Variants in EVI5L observed in about 807,000 individuals in gnomAD.
The protein encoded by EVI5L is EVI5-like protein.
Under a neutral mutation model 106.1 loss-of-function variants are expected in EVI5L, and 30 were observed. The observed-to-expected ratio is 0.28, with a 90% CI of 0.21 to 0.38. The LOEUF is 0.38. Ranked by LOEUF, EVI5L falls within the 10% of genes least tolerant of loss-of-function variation. EVI5L has a pLI of 1.00. For synonymous variants in EVI5L, 489 were observed against 483.3 expected (o/e 1.01, Z -0.15); for missense variants, 809 against 1,098.0 (o/e 0.74, Z 3.72).
intron 2 of EVI5L, among the ~76,000 whole-genome samples, chr19:7,847,500 T>C (rs1244359721): frequency 6.6e-6 from 1 of 151,164 alleles, no homozygotes; most frequent in East Asian, 1.9e-4. Context: ...AGCAGGAGAA[T>C]TGCTTGAACC....
rs563275757 is a variant in EVI5L at position 7,864,353 on chromosome 19, G to A, written c.*651G>A. The A allele has an allele frequency of 1.6e-3, 243 of 152,572 alleles. No homozygotes were observed. Among genetic ancestry groups the A allele is most frequent in the Non-Finnish European group, 1.5e-3 (100 of 68,060 alleles). 9.5% of individuals were successfully genotyped at this position (152,572 alleles called of 1,614,324 possible). On this transcript the variant is annotated 3_prime_UTR_variant, in exon 20 of 20. Transcript: ENST00000538904. The surrounding 1 kb of genome is among the most constrained non-coding windows in gnomAD (Gnocchi z 4.5). ...CGCCTGGGGACTGAGTGGCTAACGG[G>A]AAGCCTCCCTGCTTCTCTGGGGCCA...
At chr19:7,841,398 G>A (rs890331421) in intron 1 of EVI5L, among the ~76,000 whole-genome samples, 1 of 152,148 alleles carries the variant, frequency 6.6e-6, no homozygotes, top group Non-Finnish European at 1.5e-5. Flanking sequence ...CAGGAGCCCA[G>A]TCCTCATCAG....
At chr19:7,832,235 G>C (rs1978296450) in intron 1 of EVI5L, among the ~76,000 whole-genome samples, 2 of 152,328 alleles carry the variant, frequency 1.3e-5, no homozygotes, top group Admixed American at 6.5e-5. Flanking sequence ...CCTGGCACAG[G>C]GATGAGACAA....
intron 3 of EVI5L, 68 bp downstream of exon 3, chr19:7,847,989 C>G: frequency 3.4e-6 from 5 of 1,470,084 alleles, no homozygotes; most frequent in Middle Eastern, 2.4e-4. Flanking sequence ...ACTCAGCCAC[C>G]AGGCAGCGCC....
intron 1 of EVI5L, among the ~76,000 whole-genome samples, chr19:7,837,410 A>G (rs1458560416): frequency 1.3e-5 from 2 of 152,206 alleles, no homozygotes; most frequent in African/African-American, 4.8e-5. Flanking sequence ...TGAGAAGACG[A>G]TACAGAGTTT....
intron 2 of EVI5L, among the ~76,000 whole-genome samples, chr19:7,847,219 G>A (rs572680822): frequency 6.3e-4 from 96 of 152,224 alleles, no homozygotes; most frequent in Admixed American, 1.4e-3. Flanking sequence ...TTGAACCCGG[G>A]AGGCGGACGC....
In EVI5L at chr19:7,833,308, G is replaced by A. The variant is rs1048283119; in HGVS notation, c.-48+2927G>A. Among the ~76,000 whole-genome samples, 6 of 152,258 alleles carry A rather than the reference G, an allele frequency of 3.9e-5. No homozygotes were observed. The South Asian group carries it at 1.0e-3, about 26-fold the overall frequency. ...GTGTACAATGTGGTCCCTGCTCTGC[G>A]TCTAAAGTCCTCTCACTGGCATGCG... is the stretch of plus-strand genomic sequence containing the variant. On this transcript the variant is annotated intron_variant, in intron 1 of 19. Coordinates refer to ENST00000538904, the MANE Select transcript of EVI5L (RefSeq NM_001159944.3).
Position 7,835,896 on chromosome 19 carries a change from G to A in EVI5L, c.-48+5515G>A, listed in dbSNP as rs765955871. ...CATGGCATCTTGGGCTTTAGATTCC[G>A]AAATGAGTCTGTGTCCCTGGTAATC... is the stretch of plus-strand genomic sequence containing the variant. On this transcript the variant is annotated intron_variant, in intron 1 of 19. Coordinates refer to ENST00000538904, the MANE Select transcript of EVI5L (RefSeq NM_001159944.3). The surrounding 1 kb of genome is among the most constrained non-coding windows in gnomAD (Gnocchi z 4.1). Among the ~76,000 whole-genome samples the A allele has an allele frequency of 8.5e-5, 13 of 152,116 alleles. No homozygotes were observed. The highest frequency in any genetic ancestry group is 2.2e-4 in the African/African-American group (9 of 41,418).
Position 7,836,937 on chromosome 19 carries a change from T to C in EVI5L, c.-48+6556T>C, listed in dbSNP as rs567147317. ...CATGAGCCACCGCACCCAGCCTTTA[T>C]TATTATTTTTAAAATAGACTTGGGC... On this transcript the variant is annotated intron_variant, in intron 1 of 19. Coordinates refer to ENST00000538904, the MANE Select transcript of EVI5L (RefSeq NM_001159944.3). Among the ~76,000 whole-genome samples, 296 of 151,766 alleles carry C rather than the reference T, an allele frequency of 2.0e-3. 3 individuals are homozygous for C. Among genetic ancestry groups the C allele is most frequent in the African/African-American group, 6.8e-3 (283 of 41,410 alleles).
intron 1 of EVI5L, among the ~76,000 whole-genome samples, chr19:7,843,103 A>T (rs1053635147): frequency 8.8e-5 from 12 of 135,736 alleles, no homozygotes; most frequent in Non-Finnish European, 1.9e-4. Context: ...GTGTGAGAAT[A>T]GGCATGGGTG....
In EVI5L at chr19:7,857,919, TGA is replaced by T; in HGVS notation, c.1234-268_1234-267del. ...TAAGGATCCCAACTGGGGCAGAGAC[TGA>T]GAGCCAGAGTGGGGAAGGAGATGGA... On this transcript the variant is annotated intron_variant, in intron 12 of 19. Coordinates refer to ENST00000538904, the MANE Select transcript of EVI5L (RefSeq NM_001159944.3). This position sits in a 1 kb window ranked among gnomAD's most constrained non-coding sequence, Gnocchi z 4.5. The T allele has an allele frequency of 2.2e-6, 1 of 455,156 alleles. No individual in the cohort carries two copies. Among genetic ancestry groups the T allele is most frequent in the South Asian group, 2.7e-5 (1 of 37,128 alleles). 28.2% of individuals were successfully genotyped at this position (455,156 alleles called of 1,614,324 possible).
chr19:7,857,938 G>A lies in EVI5L; in HGVS notation c.1234-253G>A, dbSNP rs1225156161. On this transcript the variant is annotated intron_variant, in intron 12 of 19. Transcript: ENST00000538904. This position sits in a 1 kb window ranked among gnomAD's most constrained non-coding sequence, Gnocchi z 4.5. ...AGAGACTGAGAGCCAGAGTGGGGAA[G>A]GAGATGGAGCTTTCCAAGCCCAGGG... is the stretch of plus-strand genomic sequence containing the variant. 1.6e-5 allele frequency: 8 copies of A among 490,656 alleles called. No individual in the cohort carries two copies. The highest frequency in any genetic ancestry group is 2.9e-5 in the Non-Finnish European group (8 of 273,128). 30.4% of individuals were successfully genotyped at this position (490,656 alleles called of 1,614,324 possible).
Position 7,845,154 on chromosome 19 carries a change from G to A in EVI5L, c.-47-1342G>A, listed in dbSNP as rs111909634. 2.6e-4 allele frequency among the ~76,000 whole-genome samples: 40 copies of A among 152,252 alleles called. No individual in the cohort carries two copies. The highest frequency in any genetic ancestry group is 8.7e-4 in the African/African-American group (36 of 41,552). On this transcript the variant is annotated intron_variant, in intron 1 of 19. Coordinates refer to ENST00000538904, the MANE Select transcript of EVI5L (RefSeq NM_001159944.3). This position sits in a 1 kb window ranked among gnomAD's most constrained non-coding sequence, Gnocchi z 4.0. ...GGTCAGGTGGGGTCAAGTGGCACAC[G>A]GCAGACTCCTGCTACAGAGCGTGCC...
At position 7,848,963 on chromosome 19, in the gene EVI5L, G is replaced by A. The variant is rs765651953; in HGVS notation, c.370G>A (p.Val124Met). ...KGIPHHFRAI[V>M]WQLLCSATDM... ...CATCCCCCACCACTTCCGGGCCATCGTGTGGCAGCTTCTGTGCAGCGCCAC... is the reference window on the plus strand; with the variant it reads ...CATCCCCCACCACTTCCGGGCCATCATGTGGCAGCTTCTGTGCAGCGCCAC... Residue 124 changes from valine to methionine, a missense_variant, in exon 4 of 20, where the codon GTG becomes ATG. Physicochemically the swap from Val to Met is conservative, Grantham distance 21 (BLOSUM62 1). Coordinates refer to ENST00000538904, the MANE Select transcript of EVI5L (RefSeq NM_001159944.3). The surrounding 1 kb of genome is among the most constrained non-coding windows in gnomAD (Gnocchi z 4.8). The A allele has an allele frequency of 6.8e-6, 11 of 1,613,088 alleles. No homozygotes were observed. The highest frequency in any genetic ancestry group is 6.7e-5 in the African/African-American group (5 of 74,924).
chr19:7,838,988 C>A, intron 1 of EVI5L, among the ~76,000 whole-genome samples: 1 of 145,138 alleles, frequency 6.9e-6, no homozygotes, highest in South Asian at 2.2e-4. Flanking sequence ...AGAGCAAAAC[C>A]CTGTCTCTAA....
At chr19:7,843,251 T>TGC (rs1978748434) in intron 1 of EVI5L, among the ~76,000 whole-genome samples, 1 of 147,548 alleles carries the variant, frequency 6.8e-6, no homozygotes, top group African/African-American at 2.5e-5. Flanking sequence ...TGCATGTGTG[T>TGC]ATAGGTGTGT....
intron 1 of EVI5L, among the ~76,000 whole-genome samples, chr19:7,837,980 G>A (rs1266539036): frequency 1.3e-5 from 2 of 152,150 alleles, no homozygotes; most frequent in Non-Finnish European, 2.9e-5. Context: ...TGGGATTACA[G>A]GTGTGAGCCC....
intron 10 of EVI5L, among the ~76,000 whole-genome samples, chr19:7,854,375 G>A (rs1320254876): frequency 1.3e-5 from 2 of 152,060 alleles, no homozygotes; most frequent in East Asian, 3.8e-4. Context: ...GCGCACCAGT[G>A]ATAGGAAGGG....
Position 7,851,761 on chromosome 19 carries a change from G to T in EVI5L, c.978G>T (p.Gly326=). The T allele has an allele frequency of 6.6e-7, 1 of 1,504,858 alleles. No homozygotes were observed. 93.2% of individuals were successfully genotyped at this position (1,504,858 alleles called of 1,614,324 possible). Residue 326 remains glycine (G), a synonymous_variant, in exon 8 of 20, where the codon GGG becomes GGT. Coordinates refer to ENST00000538904, the MANE Select transcript of EVI5L (RefSeq NM_001159944.3). ...QAELMQLDME[G]MSQYFQRVIP... ...AGCTGATGCAGCTGGACATGGAGGGGATGTCCCAGGTGGGCCGGGAGGGCC... is the reference window on the plus strand; with the variant it reads ...AGCTGATGCAGCTGGACATGGAGGGTATGTCCCAGGTGGGCCGGGAGGGCC...
Sources: allele counts gnomAD v4.1 joint callset (sites outside exome capture counted in the v4.1 genomes callset), GRCh38; gene constraint gnomAD v4.1.1; non-coding constraint Gnocchi (gnomAD v3.1); transcripts MANE v1.5; gene names NCBI Gene and HGNC (gene_info 2026-07-23, HGNC 2026-07-21).